Variants in FAM227B observed in about 807,000 individuals in gnomAD.
The protein encoded by FAM227B is protein FAM227B.
Under a neutral mutation model 73.8 loss-of-function variants are expected in FAM227B, and 88 were observed. That is an observed-to-expected ratio of 1.19 (90% confidence interval 1.00 to 1.42). FAM227B has a LOEUF of 1.42. Among genes scored for constraint, FAM227B ranks in the 40% most tolerant of loss-of-function variants. The pLI is 0.00. For missense variants in FAM227B, 632 were observed against 590.9 expected (o/e 1.07, Z -0.72); for synonymous variants, 210 against 190.5 (o/e 1.10, Z -0.84).
At chr15:49,562,631 T>C (rs2074349256) in intron 9 of FAM227B, among the ~76,000 whole-genome samples, 1 of 151,968 alleles carries the variant, frequency 6.6e-6, no homozygotes, top group Non-Finnish European at 1.5e-5. Context: ...AATCCAGCAG[T>C]ACATCAAAAT....
chr15:49,432,311 A>G (rs2050687318), intron 11 of FAM227B, among the ~76,000 whole-genome samples: 1 of 151,682 alleles, frequency 6.6e-6, no homozygotes, highest in Admixed American at 6.6e-5. Context: ...CCCCTGAGAT[A>G]TTAAGGCTGT....
intron 10 of FAM227B, 34 bp from the exon 11 acceptor site, chr15:49,508,382 A>G (rs747207737): frequency 6.6e-7 from 1 of 1,517,148 alleles, no homozygotes; most frequent in Non-Finnish European, 8.8e-7. Context: ...AGCCAAATAA[A>G]TTTGGATTTT....
At chr15:49,446,783 C>A (rs2052258800) in intron 11 of FAM227B, among the ~76,000 whole-genome samples, 1 of 151,170 alleles carries the variant, frequency 6.6e-6, no homozygotes, top group Admixed American at 6.6e-5. Context: ...GAGAAGATAG[C>A]ACAAAACAAG....
chr15:49,620,650 T>G (rs1005858218), intron 1 of FAM227B, 50 bp downstream of exon 1: 1 of 152,192 alleles, frequency 6.6e-6, no homozygotes, highest in Non-Finnish European at 1.5e-5. Context: ...ATCTTTGAGG[T>G]GGGCAAAATG....
At chr15:49,528,482 G>A (rs1605482) in intron 10 of FAM227B, among the ~76,000 whole-genome samples, 143,492 of 151,956 alleles carry the variant, frequency 0.94, 68,293 homozygotes, top group East Asian at 1. Context: ...AAATGTAATG[G>A]AAACAAAACA....
At position 49,500,039 on chromosome 15, in the gene FAM227B, A is replaced by G. The variant is rs191963417; in HGVS notation, c.1012+8172T>C. On this transcript the variant is annotated intron_variant, in intron 11 of 15. Transcript: ENST00000299338. Reference sequence around the variant, plus strand: ...AAACTTTTGTTTTTTAAAAGATGTTATTAAGAAATGAAAGGGCAAGCAACA... The same window carrying G: ...AAACTTTTGTTTTTTAAAAGATGTTGTTAAGAAATGAAAGGGCAAGCAACA... 2.0e-3 allele frequency among the ~76,000 whole-genome samples: 301 copies of G among 152,348 alleles called. 1 individual carries two copies. Among genetic ancestry groups the G allele is most frequent in the African/African-American group, 6.9e-3 (288 of 41,586 alleles).
intron 11 of FAM227B, among the ~76,000 whole-genome samples, chr15:49,504,771 C>A (rs965769410): frequency 6.6e-5 from 10 of 152,100 alleles, no homozygotes; most frequent in African/African-American, 2.2e-4. Context: ...GTAAAGCCTG[C>A]AGAACCATGA....
intron 6 of FAM227B, 55 bp from the exon 7 acceptor site, chr15:49,576,900 T>G (rs2075480592): frequency 2.1e-6 from 2 of 952,036 alleles, no homozygotes; most frequent in Non-Finnish European, 3.3e-6. Flanking sequence ...CTCACTATAG[T>G]AGACTCATAT....
chr15:49,524,497 C>T lies in FAM227B; in HGVS notation c.875-16149G>A, dbSNP rs564298548. Among the ~76,000 whole-genome samples the T allele has an allele frequency of 4.0e-4, 61 of 152,316 alleles. 1 individual carries two copies. The highest frequency in any genetic ancestry group is 3.5e-3 in the Admixed American group (54 of 15,302). ...AAGTTTGCTGCACGGGAGGGACCCTCATGGAGAATCTCTGCTAGGGCAGTG... is the reference window on the plus strand; with the variant it reads ...AAGTTTGCTGCACGGGAGGGACCCTTATGGAGAATCTCTGCTAGGGCAGTG... On this transcript the variant is annotated intron_variant, in intron 10 of 15. Transcript: ENST00000299338.
At chr15:49,397,015 G>C (rs1032330161) in intron 11 of FAM227B, among the ~76,000 whole-genome samples, 56 of 152,222 alleles carry the variant, frequency 3.7e-4, no homozygotes, top group African/African-American at 7.2e-4. Flanking sequence ...TTGACGAGCT[G>C]AGAGAAGAAG....
At chr15:49,383,749 C>A (rs1008909812) in intron 11 of FAM227B, among the ~76,000 whole-genome samples, 5 of 151,934 alleles carry the variant, frequency 3.3e-5, no homozygotes, top group African/African-American at 1.2e-4. Flanking sequence ...ATACGATTGG[C>A]AAATAATTTT....
At chr15:49,367,177 C>A (rs368030546) in intron 13 of FAM227B, among the ~76,000 whole-genome samples, 18 of 152,014 alleles carry the variant, frequency 1.2e-4, no homozygotes, top group East Asian at 1.2e-3. Context: ...GCAAAGATAG[C>A]CTTTTATCAG....
chr15:49,396,685 GACC>G (rs2047677502), intron 11 of FAM227B, among the ~76,000 whole-genome samples: 1 of 150,724 alleles, frequency 6.6e-6, no homozygotes, highest in South Asian at 2.1e-4. Context: ...GTGGGTCCCT[GACC>G]CCTGACCCCC....
chr15:49,585,949 C>T (rs1201937829), intron 5 of FAM227B, among the ~76,000 whole-genome samples: 4 of 152,156 alleles, frequency 2.6e-5, no homozygotes, highest in Non-Finnish European at 4.4e-5. Flanking sequence ...ATGACCATAA[C>T]TTCCCAAAGC....
intron 11 of FAM227B, among the ~76,000 whole-genome samples, chr15:49,377,377 T>C (rs1260719711): frequency 1.3e-5 from 2 of 152,146 alleles, no homozygotes; most frequent in Non-Finnish European, 2.9e-5. Context: ...TGGGGGTACA[T>C]ATCCAGCAGT....
intron 11 of FAM227B, among the ~76,000 whole-genome samples, chr15:49,491,272 G>C (rs959990405): frequency 6.6e-6 from 1 of 151,632 alleles, no homozygotes; most frequent in African/African-American, 2.4e-5. Context: ...CTCATATACT[G>C]CCTAATTCTT....
At chr15:49,498,147 T>C (rs2057790142) in intron 11 of FAM227B, among the ~76,000 whole-genome samples, 1 of 152,220 alleles carries the variant, frequency 6.6e-6, no homozygotes, top group East Asian at 1.9e-4. Context: ...TTTTAAGCCT[T>C]AATTTAATTA....
intron 11 of FAM227B, among the ~76,000 whole-genome samples, chr15:49,451,848 C>G (rs566622560): frequency 6.6e-6 from 1 of 152,194 alleles, no homozygotes; most frequent in African/African-American, 2.4e-5. Flanking sequence ...GAGGAAAAAA[C>G]TAAGACCCAC....
At chr15:49,424,541 A>G in intron 11 of FAM227B, 1 of 1,607,074 alleles carries the variant, frequency 6.2e-7, no homozygotes, top group Non-Finnish European at 8.5e-7. Flanking sequence ...GATCGATAAA[A>G]GAGGCAAAGT....
Sources: allele counts gnomAD v4.1 joint callset (sites outside exome capture counted in the v4.1 genomes callset), GRCh38; gene constraint gnomAD v4.1.1; transcripts MANE v1.5; gene names NCBI Gene and HGNC (gene_info 2026-07-23, HGNC 2026-07-21).